The following GLG1 variants were observed in gnomAD, a reference collection of about 807,000 sequenced individuals.
GLG1 encodes Golgi apparatus protein 1.
In GLG1, 38 loss-of-function variants were observed where a neutral mutation model predicts 160.5. The ratio of observed to expected loss-of-function variants is 0.24; its 90% confidence interval spans 0.18 to 0.31. The LOEUF (loss-of-function observed/expected upper bound fraction) is 0.31. Ranked by LOEUF, GLG1 falls within the 10% of genes least tolerant of loss-of-function variation. The pLI is 1.00. For synonymous variants in GLG1, 644 were observed against 543.4 expected (o/e 1.19, Z -2.57); for missense variants, 1,373 against 1,505.2 (o/e 0.91, Z 1.45).
chr16:74,479,446 GAAAA>G (rs1231343562), intron 11 of GLG1, among the ~76,000 whole-genome samples: 1 of 116,140 alleles, frequency 8.6e-6, no homozygotes, highest in Non-Finnish European at 1.9e-5. Flanking sequence ...TATATGGAGA[GAAAA>G]AAAAAAAAAA....
chr16:74,502,038 G>GAACT (rs1567485906), intron 4 of GLG1, among the ~76,000 whole-genome samples: 128 of 152,300 alleles, frequency 8.4e-4, no homozygotes, highest in African/African-American at 3.0e-3. Context: ...TCATTTGAAC[G>GAACT]GTGTGCTCAG....
At chr16:74,491,293 T>C in intron 7 of GLG1, 78 bp from the exon 8 acceptor site, 1 of 982,444 alleles carries the variant, frequency 1.0e-6, no homozygotes. Flanking sequence ...CTATTAAAAG[T>C]ACATATTTCT....
At chr16:74,568,503 C>T (rs544404001) in intron 1 of GLG1, among the ~76,000 whole-genome samples, 3 of 151,792 alleles carry the variant, frequency 2.0e-5, no homozygotes, top group Admixed American at 1.3e-4. Flanking sequence ...CTGGAACCTC[C>T]GCCTCCCGGG....
At chr16:74,479,049 TCCAA>T (rs2015499217) in intron 11 of GLG1, among the ~76,000 whole-genome samples, 1 of 2,376 alleles carries the variant, frequency 4.2e-4, no homozygotes, top group Non-Finnish European at 1.1e-3. Context: ...CTATTAAAAA[TCCAA>T]AAAAAAAAAA....
intron 4 of GLG1, among the ~76,000 whole-genome samples, chr16:74,497,416 C>G (rs1022990148): frequency 2.0e-5 from 3 of 150,890 alleles, no homozygotes; most frequent in Non-Finnish European, 4.4e-5. Context: ...CCAGGCATTT[C>G]CCAAATAACA....
At chr16:74,552,379 C>A (rs1567519249) in intron 1 of GLG1, 3 of 585,366 alleles carry the variant, frequency 5.1e-6, no homozygotes, top group Non-Finnish European at 1.0e-5. Flanking sequence ...ATGTGCCCAA[C>A]CTTCACATCA....
chr16:74,456,440 G>A (rs759760146), intron 25 of GLG1: 3 of 511,772 alleles, frequency 5.9e-6, no homozygotes, highest in South Asian at 2.3e-5. Context: ...GATTACAGGC[G>A]CGAGCCACCG....
chr16:74,458,226 G>T, intron 23 of GLG1: 3 of 412,808 alleles, frequency 7.3e-6, no homozygotes, highest in African/African-American at 3.9e-5. Context: ...GCAGGGGACT[G>T]TAAGTGACTG....
intron 4 of GLG1, among the ~76,000 whole-genome samples, chr16:74,496,876 A>G (rs1324716286): frequency 6.6e-6 from 1 of 152,214 alleles, no homozygotes; most frequent in African/African-American, 2.4e-5. Flanking sequence ...TAATACTTGC[A>G]TGCTACAAAT....
chr16:74,462,897 A>G, intron 20 of GLG1: 1 of 485,318 alleles, frequency 2.1e-6, no homozygotes, highest in Admixed American at 3.8e-5. Flanking sequence ...AGTCCTCAGA[A>G]AAATCAAGGG....
chr16:74,453,191 C>T lies in GLG1; in HGVS notation c.3516G>A (p.Val1172=). 1.2e-6 allele frequency: 2 copies of T among 1,614,058 alleles called. No individual in the cohort carries two copies. Among genetic ancestry groups the T allele is most frequent in the Non-Finnish European group, 1.7e-6 (2 of 1,179,978 alleles). ...GLMCGRITKR[V]TRELKDR ...TCTACCTGTCCTTGAGCTCTCGTGTCACTCGCTTGGTGATCCGTCCACACA... is the reference window on the plus strand; with the variant it reads ...TCTACCTGTCCTTGAGCTCTCGTGTTACTCGCTTGGTGATCCGTCCACACA... Residue 1172 remains valine, a synonymous_variant, in exon 26 of 26, where the codon GTG becomes GTA. Transcript: ENST00000422840.
At chr16:74,573,298 G>T (rs1298946455) in intron 1 of GLG1, among the ~76,000 whole-genome samples, 1 of 152,038 alleles carries the variant, frequency 6.6e-6, no homozygotes, top group African/African-American at 2.4e-5. Flanking sequence ...GAAGATACAG[G>T]GAGAAAAGAA....
chr16:74,485,097 T>C (rs2037684386), intron 9 of GLG1, among the ~76,000 whole-genome samples: 1 of 152,302 alleles, frequency 6.6e-6, no homozygotes. Flanking sequence ...AACTTTTATG[T>C]TGCCTTGCTA....
intron 9 of GLG1, among the ~76,000 whole-genome samples, chr16:74,484,383 G>C (rs1032328252): frequency 6.6e-6 from 1 of 151,968 alleles, no homozygotes; most frequent in Non-Finnish European, 1.5e-5. Context: ...GCCCAGGCTG[G>C]AATGCAATGG....
intron 2 of GLG1, among the ~76,000 whole-genome samples, chr16:74,509,598 C>T (rs2016735392): frequency 6.6e-6 from 1 of 151,828 alleles, no homozygotes; most frequent in Non-Finnish European, 1.5e-5. Flanking sequence ...GCCTGTAATC[C>T]CAGCACTTTG....
At chr16:74,505,522 C>T (rs2016565064) in intron 3 of GLG1, among the ~76,000 whole-genome samples, 1 of 152,094 alleles carries the variant, frequency 6.6e-6, no homozygotes, top group South Asian at 2.1e-4. Context: ...GAGTTTGAGA[C>T]CAGCCTCGCC....
chr16:74,482,288 G>T (rs543708911), intron 10 of GLG1, among the ~76,000 whole-genome samples: 29 of 152,230 alleles, frequency 1.9e-4, no homozygotes, highest in African/African-American at 6.5e-4. Context: ...CACTGTGCCT[G>T]GCCAAAATAT....
intron 10 of GLG1, among the ~76,000 whole-genome samples, chr16:74,481,341 G>A (rs1309469435): frequency 6.6e-6 from 1 of 152,096 alleles, no homozygotes. Context: ...ATCAGACCAG[G>A]GCATGCTTAA....
At chr16:74,580,927 T>C (rs994695569) in intron 1 of GLG1, among the ~76,000 whole-genome samples, 2 of 152,140 alleles carry the variant, frequency 1.3e-5, no homozygotes, top group African/African-American at 4.8e-5. Context: ...AAAAAATTAG[T>C]GCACCGTTGC....
Sources: gnomAD v4.1 joint callset for allele counts (sites outside exome capture counted in the v4.1 genomes callset) on GRCh38, gnomAD v4.1.1 for gene constraint, MANE v1.5 for transcripts, NCBI Gene and HGNC (gene_info 2026-07-23, HGNC 2026-07-21) for gene names.